EVPL: variants seen among roughly 807,000 people sequenced by gnomAD.
EVPL encodes 210 kDa cornified envelope precursor protein.
In EVPL, 94 loss-of-function variants were observed where a neutral mutation model predicts 129.7. The observed-to-expected ratio is 0.72, with a 90% CI of 0.61 to 0.86. The LOEUF is 0.86. EVPL is among the 40% of genes least tolerant of loss of function. The probability of loss-of-function intolerance (pLI) is 0.00; values close to 1 mark genes in which losing one functional copy is unlikely to be tolerated. For synonymous variants in EVPL, 1,172 were observed against 1,191.1 expected (o/e 0.98, Z 0.33); for missense variants, 2,625 against 2,721.1 (o/e 0.96, Z 0.79).
Position 76,015,319 on chromosome 17 carries a change from T to A in EVPL, c.1936A>T (p.Arg646Trp). ...GTGGCCTCGAAGCCTCGGATGACCCTGTCCGCATCCTGGATCTGCCGCTCC... is the reference window on the plus strand; with the variant it reads ...GTGGCCTCGAAGCCTCGGATGACCCAGTCCGCATCCTGGATCTGCCGCTCC... Reference protein sequence around the residue: ...DLERQIQDADRVIRGFEATLV... With the variant: ...DLERQIQDADWVIRGFEATLV... Residue 646 changes from arginine (R) to tryptophan (W), a missense_variant, in exon 16 of 22, where the codon AGG (arginine) becomes TGG (tryptophan). This residue lies in a region of EVPL where 1,024 missense variants were observed against 997.5 expected (regional missense o/e 1.03). Coordinates refer to ENST00000301607, the MANE Select transcript of EVPL (RefSeq NM_001988.4). 3 of 1,603,754 alleles carry A rather than the reference T, an allele frequency of 1.9e-6. No homozygotes were observed. The highest frequency in any genetic ancestry group is 1.7e-6 in the Non-Finnish European group (2 of 1,179,132).
chr17:76,019,113 G>A (rs1351369748), intron 10 of EVPL, 53 bp from the exon 11 acceptor site: 1 of 1,498,968 alleles, frequency 6.7e-7, no homozygotes, highest in South Asian at 1.3e-5. Context: ...TTGGAGGCTG[G>A]CCACACCATA....
chr17:76,023,909 C>G, intron 2 of EVPL, 112 bp downstream of exon 2: 2 of 1,372,294 alleles, frequency 1.5e-6, no homozygotes, highest in Non-Finnish European at 2.0e-6. Flanking sequence ...CAAAGGTCAT[C>G]TGTCCCATCT....
Position 76,009,132 on chromosome 17 carries a change from C to T in EVPL, c.4073G>A (p.Arg1358His), listed in dbSNP as rs777686326. The change falls in exon 22 of 22, where the codon CGC (arginine) becomes CAC (histidine). Residue 1358 changes from arginine to histidine, a missense_variant. This residue lies in a region of EVPL where 1,453 missense variants were observed against 1,511.8 expected (regional missense o/e 0.96). Transcript: ENST00000301607. The surrounding 1 kb of genome is among the most constrained non-coding windows in gnomAD (Gnocchi z 5.9). The stretch of plus-strand genomic sequence containing the variant: ...GGGCTTCCTCCTCTCCAGCAGCAGG[C>T]GCTTGCTCTGCAGCTCGTACACCGC... ...EDAVYELQSK[R>H]LLLERRKPEE... 6.8e-6 allele frequency: 11 copies of T among 1,612,732 alleles called. No homozygotes were observed. Among genetic ancestry groups the T allele is most frequent in the South Asian group, 4.4e-5 (4 of 91,018 alleles).
chr17:76,019,204 TG>T (rs1393110191), intron 10 of EVPL, 144 bp from the exon 11 acceptor site: 13 of 902,846 alleles, frequency 1.4e-5, no homozygotes, highest in Non-Finnish European at 2.0e-5. Context: ...AGCCCCTCTC[TG>T]GGGGACCTAG....
chr17:76,007,687 T>C lies in EVPL; in HGVS notation c.5518A>G (p.Ser1840Gly), dbSNP rs1314700765. The change falls in exon 22 of 22, where the codon AGC becomes GGC. Residue 1840 changes from serine (S) to glycine (G), a missense_variant. By Grantham distance (56) the Ser-to-Gly change is moderately conservative. Coordinates refer to ENST00000301607, the MANE Select transcript of EVPL (RefSeq NM_001988.4). This position sits in a 1 kb window ranked among gnomAD's most constrained non-coding sequence, Gnocchi z 8.8. ...IYDTTTDNKC[S>G]IKTAVAKNML... Reference sequence around the variant, plus strand: ...TTCTTGGCCACGGCCGTCTTGATGCTGCACTTGTTGTCTGTGGTTGTGTCA... The same window carrying C: ...TTCTTGGCCACGGCCGTCTTGATGCCGCACTTGTTGTCTGTGGTTGTGTCA... 1 of 1,613,776 alleles carries C rather than the reference T, an allele frequency of 6.2e-7. No individual in the cohort carries two copies. The highest frequency in any genetic ancestry group is 8.5e-7 in the Non-Finnish European group (1 of 1,179,864).
At chr17:76,026,672 T>C (rs2066500198) in intron 1 of EVPL, among the ~76,000 whole-genome samples, 1 of 152,112 alleles carries the variant, frequency 6.6e-6, no homozygotes, top group African/African-American at 2.4e-5. Flanking sequence ...CCAGGGGTCA[T>C]CCCAGCCAAG....
At position 76,015,345 on chromosome 17, in the gene EVPL, A is replaced by C; in HGVS notation, c.1910T>G (p.Leu637Arg). The C allele has an allele frequency of 6.2e-7, 1 of 1,604,618 alleles. No individual in the cohort carries two copies. The highest frequency in any genetic ancestry group is 1.7e-5 in the Admixed American group (1 of 59,694). ...GTCCGCATCCTGGATCTGCCGCTCC[A>C]GATCCAGGGCAGCCTTGGCTCTGCC... ...YGEKAKAALD[L>R]ERQIQDADRV... Residue 637 changes from leucine (L) to arginine (R), a missense_variant, in exon 16 of 22, where the codon CTG becomes CGG. Coordinates refer to ENST00000301607, the MANE Select transcript of EVPL (RefSeq NM_001988.4).
chr17:76,012,591 T>G (rs1356982560), intron 18 of EVPL, among the ~76,000 whole-genome samples: 2 of 151,638 alleles, frequency 1.3e-5, no homozygotes, highest in African/African-American at 4.8e-5. Flanking sequence ...CACCTTTCTT[T>G]GGCCTTGTGC....
intron 9 of EVPL, 119 bp from the exon 10 acceptor site, chr17:76,019,772 A>C (rs1303030308): frequency 1.5e-6 from 2 of 1,290,964 alleles, no homozygotes; most frequent in Non-Finnish European, 2.1e-6. Context: ...CCAGCTAAAC[A>C]CAAACCAGCT....
intron 14 of EVPL, 77 bp from the exon 15 acceptor site, chr17:76,015,705 C>A: frequency 6.8e-7 from 1 of 1,461,564 alleles, no homozygotes; most frequent in South Asian, 1.3e-5. Flanking sequence ...CCTAACTCTG[C>A]GCCCATGGAG....
rs368549514 is a variant in EVPL at position 76,013,579 on chromosome 17, G to A, written c.2373+847C>T. Among the ~76,000 whole-genome samples, 51 of 152,052 alleles carry A rather than the reference G, an allele frequency of 3.4e-4. No individual in the cohort carries two copies. The highest frequency in any genetic ancestry group is 2.1e-4 in the Non-Finnish European group (14 of 68,010). ...CCCCAACAGAACCCTGGGCATCACC[G>A]GGCCCCGTCCATCTCACTCACTGTC... On this transcript the variant is annotated intron_variant, in intron 18 of 21. Coordinates refer to ENST00000301607, the MANE Select transcript of EVPL (RefSeq NM_001988.4). This position sits in a 1 kb window ranked among gnomAD's most constrained non-coding sequence, Gnocchi z 4.3.
chr17:76,026,587 G>A (rs1478145723), intron 1 of EVPL, among the ~76,000 whole-genome samples: 2 of 152,104 alleles, frequency 1.3e-5, no homozygotes, highest in African/African-American at 4.8e-5. Flanking sequence ...TTAGGCAGGA[G>A]GCAGCACAGC....
intron 1 of EVPL, among the ~76,000 whole-genome samples, chr17:76,026,464 A>G (rs1339298176): frequency 6.6e-6 from 1 of 152,084 alleles, no homozygotes; most frequent in Admixed American, 6.6e-5. Flanking sequence ...ATCCTCCCGC[A>G]TTGGCCTCCT....
chr17:76,012,478 A>G (rs563909526), intron 18 of EVPL, among the ~76,000 whole-genome samples: 2 of 152,008 alleles, frequency 1.3e-5, no homozygotes, highest in South Asian at 4.1e-4. Context: ...TATTTTTAGT[A>G]GAGATGGGGT....
rs746724427 is a variant in EVPL at position 76,009,417 on chromosome 17, C to T, written c.3788G>A (p.Ser1263Asn). The T allele has an allele frequency of 1.9e-6, 3 of 1,613,994 alleles. No individual in the cohort carries two copies. The highest frequency in any genetic ancestry group is 1.7e-6 in the Non-Finnish European group (2 of 1,179,978). ...VTQEVVRHERSPEVLREIDRL... is the reference protein window; with the variant it reads ...VTQEVVRHERNPEVLREIDRL... ...GTCGATCTCACGCAGCACCTCGGGGCTCCTCTCATGCCTCACCACCTCCTG... is the reference window on the plus strand; with the variant it reads ...GTCGATCTCACGCAGCACCTCGGGGTTCCTCTCATGCCTCACCACCTCCTG... The change falls in exon 22 of 22, where the codon AGC becomes AAC. Residue 1263 changes from serine (S) to asparagine (N), a missense_variant. Ser to Asn is a conservative substitution (Grantham distance 46). This residue lies in a region of EVPL where 1,453 missense variants were observed against 1,511.8 expected (regional missense o/e 0.96). Transcript: ENST00000301607. The surrounding 1 kb of genome is among the most constrained non-coding windows in gnomAD (Gnocchi z 5.9).
rs1006505274 is a variant in EVPL at position 76,017,682 on chromosome 17, G to A, written c.1710+57C>T. The A allele has an allele frequency of 3.8e-6, 6 of 1,575,662 alleles. No homozygotes were observed. The African/African-American group carries it at 4.0e-5, about 11-fold the overall frequency. ...CACTTGCCTCACCTCCCTCAAGTGTGAGCACCAGGGCCGGGCCGCTTCTCA... is the reference window on the plus strand; with the variant it reads ...CACTTGCCTCACCTCCCTCAAGTGTAAGCACCAGGGCCGGGCCGCTTCTCA... On this transcript the variant is annotated intron_variant, in intron 14 of 21. Coordinates refer to ENST00000301607, the MANE Select transcript of EVPL (RefSeq NM_001988.4).
chr17:76,016,036 C>G (rs1455893997), intron 14 of EVPL, among the ~76,000 whole-genome samples: 1 of 152,122 alleles, frequency 6.6e-6, no homozygotes, highest in East Asian at 1.9e-4. Context: ...CCCAGCTACC[C>G]AGGAGGCTGA....
rs747002540 is a variant in EVPL, at chr17:76,010,056, G to A, written c.3149C>T (p.Ser1050Leu). Residue 1050 changes from serine (S) to leucine (L), a missense_variant, in exon 22 of 22, where the codon TCG (serine) becomes TTG (leucine). This residue lies in a region of EVPL where 1,453 missense variants were observed against 1,511.8 expected (regional missense o/e 0.96). Transcript: ENST00000301607. ...CTTCTTCAGCCCTTCCAGCCGGGCC[G>A]AGATGACGGCATCCTCCCCGCGGAG... ...QQLRGEDAVI[S>L]ARLEGLKKEL... 43 of 1,613,034 alleles carry A rather than the reference G, an allele frequency of 2.7e-5. No homozygotes were observed. Among genetic ancestry groups the A allele is most frequent in the Non-Finnish European group, 3.5e-5 (41 of 1,180,016 alleles).
chr17:76,011,931 G>T, intron 19 of EVPL, 49 bp from the exon 20 acceptor site: 1 of 1,602,852 alleles, frequency 6.2e-7, no homozygotes, highest in South Asian at 1.1e-5. Flanking sequence ...GGGGGAGGCT[G>T]GGTGTGGGGG....
Sources: gnomAD v4.1 joint callset for allele counts (sites outside exome capture counted in the v4.1 genomes callset) on GRCh38, gnomAD v4.1.1 for gene constraint, gnomAD v4.1.1 regional missense constraint, Gnocchi (gnomAD v3.1) non-coding constraint, MANE v1.5 for transcripts, NCBI Gene and HGNC (gene_info 2026-07-23, HGNC 2026-07-21) for gene names.